The following NSD3 variants were observed in gnomAD, a reference collection of about 807,000 sequenced individuals.
The protein encoded by NSD3 is nuclear receptor binding SET domain protein 3.
In NSD3, 24 loss-of-function variants were observed where a neutral mutation model predicts 160.8. The ratio of observed to expected loss-of-function variants is 0.15; its 90% CI spans 0.11 to 0.21. The LOEUF is 0.21. NSD3 is among the 10% of genes least tolerant of loss of function. NSD3 has a pLI of 1.00. For synonymous variants in NSD3, 520 were observed against 600.0 expected, an observed-to-expected ratio of 0.87 and a Z score of 1.95; for missense variants, 1,157 against 1,735.9, an observed-to-expected ratio of 0.67 and a Z score of 5.93.
intron 22 of NSD3, 67 bp from the exon 23 acceptor site, chr8:38,276,567 AC>A (rs1198789584): frequency 6.5e-7 from 1 of 1,540,862 alleles, no homozygotes; most frequent in Non-Finnish European, 8.9e-7. Flanking sequence ...ACACAGGAAA[AC>A]CCTGCAACCT....
chr8:38,303,127 A>G, intron 14 of NSD3: 8 of 608,824 alleles, frequency 1.3e-5, no homozygotes, highest in Non-Finnish European at 1.6e-5. Context: ...AGTGCCCAGC[A>G]ATGGTAGCAT....
Position 38,348,206 on chromosome 8 carries a change from C to T in NSD3, c.-35G>A, listed in dbSNP as rs780720930. 3 of 1,525,218 alleles carry T rather than the reference C, an allele frequency of 2.0e-6. No homozygotes were observed. The highest frequency in any genetic ancestry group is 2.6e-6 in the Non-Finnish European group (3 of 1,139,762). The allele number at this position is 1,525,218 out of a possible 1,614,324, so 94.5% of individuals were successfully genotyped here. A position where few individuals can be genotyped will look rare whatever the true frequency, so the allele number is the denominator to read the frequency against. ...CCAGCATCCTTAACTTTCCCTTTCT[C>T]TCATCGGGCCTAAAATTATAAAAGA... On this transcript the variant is annotated 5_prime_UTR_variant, in exon 2 of 24. Transcript: ENST00000317025.
chr8:38,378,730 C>T (rs1002001898), intron 1 of NSD3, among the ~76,000 whole-genome samples: 4 of 150,348 alleles, frequency 2.7e-5, no homozygotes, highest in Non-Finnish European at 4.4e-5. Flanking sequence ...GGCTAAGGCA[C>T]GAGAATCACT....
intron 19 of NSD3, among the ~76,000 whole-genome samples, chr8:38,285,951 G>A (rs995128656): frequency 2.6e-5 from 4 of 152,086 alleles, no homozygotes; most frequent in African/African-American, 9.7e-5. Context: ...CTTATCATAT[G>A]TTCTCCATAC....
At chr8:38,335,150 G>A (rs1810186091) in intron 4 of NSD3, among the ~76,000 whole-genome samples, 1 of 151,976 alleles carries the variant, frequency 6.6e-6, no homozygotes, top group Admixed American at 6.6e-5. Flanking sequence ...AAAACGCCTG[G>A]CTAATTTTTG....
chr8:38,316,103 T>G lies in NSD3; in HGVS notation c.1856-61A>C. On this transcript the variant is annotated intron_variant, in intron 9 of 23. Coordinates refer to ENST00000317025, the MANE Select transcript of NSD3 (RefSeq NM_023034.2). The surrounding 1 kb of genome is among the most constrained non-coding windows in gnomAD (Gnocchi z 4.5). Reference sequence around the variant, plus strand: ...TACTTAAGGTTTGTTTTAATTTTTTTGTGTGTGGGAGAATATTTTCTTTTC... The same window carrying G: ...TACTTAAGGTTTGTTTTAATTTTTTGGTGTGTGGGAGAATATTTTCTTTTC... The G allele has an allele frequency of 6.3e-7, 1 of 1,588,682 alleles. No individual in the cohort carries two copies. Among genetic ancestry groups the G allele is most frequent in the Non-Finnish European group, 8.6e-7 (1 of 1,168,368 alleles).
At chr8:38,296,686 G>A (rs1455680088) in intron 15 of NSD3, among the ~76,000 whole-genome samples, 3 of 149,430 alleles carry the variant, frequency 2.0e-5, no homozygotes, top group Non-Finnish European at 3.0e-5. Context: ...GTGTGTGTGT[G>A]TGTGTGTGTG....
intron 5 of NSD3, among the ~76,000 whole-genome samples, chr8:38,330,671 C>G (rs1476291359): frequency 6.6e-6 from 1 of 152,166 alleles, no homozygotes; most frequent in African/African-American, 2.4e-5. Flanking sequence ...AAATGTAAGT[C>G]TCATAAAATT....
At chr8:38,333,557 C>T (rs1450857728) in intron 4 of NSD3, among the ~76,000 whole-genome samples, 4 of 152,174 alleles carry the variant, frequency 2.6e-5, no homozygotes, top group African/African-American at 9.7e-5. Context: ...TTTTCCAGTG[C>T]TAAGAATCTA....
At chr8:38,331,195 C>A (rs1810050353) in intron 5 of NSD3, among the ~76,000 whole-genome samples, 1 of 152,070 alleles carries the variant, frequency 6.6e-6, no homozygotes, top group African/African-American at 2.4e-5. Flanking sequence ...CAATAGAATT[C>A]AATATTAAGC....
chr8:38,367,101 G>A (rs1363033558), intron 1 of NSD3, among the ~76,000 whole-genome samples: 1 of 152,190 alleles, frequency 6.6e-6, no homozygotes, highest in African/African-American at 2.4e-5. Context: ...CTATGCCAGA[G>A]TAAGACAAAC....
chr8:38,300,264 C>T (rs531460007), intron 14 of NSD3, among the ~76,000 whole-genome samples: 5 of 152,150 alleles, frequency 3.3e-5, no homozygotes, highest in African/African-American at 1.2e-4. Context: ...TGGGCTCTAG[C>T]GATCCTCTGG....
chr8:38,313,090 A>G (rs1247968906), intron 12 of NSD3, among the ~76,000 whole-genome samples: 1 of 152,242 alleles, frequency 6.6e-6, no homozygotes, highest in African/African-American at 2.4e-5. Context: ...CAAACTGTTC[A>G]CAAGTTTTAC....
chr8:38,304,586 C>A lies in NSD3; in HGVS notation c.2611+1G>T, dbSNP rs565429625. ...AATGAAGAGAAAAGTCAGACACTCA[C>A]CTCTGGCACAAACGAAACAAAAGCC... On this transcript the variant is annotated splice_donor_variant, in intron 14 of 23. Transcript: ENST00000317025. LOFTEE classifies it high-confidence loss of function. The A allele has an allele frequency of 6.2e-7, 1 of 1,609,522 alleles. No individual in the cohort carries two copies. The highest frequency in any genetic ancestry group is 8.5e-7 in the Non-Finnish European group (1 of 1,178,476).
chr8:38,297,902 T>C (rs1809193444), intron 15 of NSD3, among the ~76,000 whole-genome samples: 1 of 152,186 alleles, frequency 6.6e-6, no homozygotes, highest in Non-Finnish European at 1.5e-5. Context: ...TTATTAGTAC[T>C]GACCTAGAAA....
At chr8:38,313,570 C>T (rs964284771) in intron 12 of NSD3, among the ~76,000 whole-genome samples, 8 of 151,902 alleles carry the variant, frequency 5.3e-5, no homozygotes, top group Admixed American at 2.0e-4. Flanking sequence ...AGGCTGATCA[C>T]GAGGTCAGGA....
intron 21 of NSD3, among the ~76,000 whole-genome samples, chr8:38,279,002 A>G (rs184315421): frequency 1.3e-5 from 2 of 152,338 alleles, no homozygotes; most frequent in Non-Finnish European, 2.9e-5. Flanking sequence ...TCTACAAACT[A>G]AACAAAGGAG....
chr8:38,279,488 G>GATAT, intron 21 of NSD3, 52 bp downstream of exon 21: 1 of 1,601,956 alleles, frequency 6.2e-7, no homozygotes. Context: ...AGCTCTATAG[G>GATAT]ATATTCTTTC....
intron 1 of NSD3, among the ~76,000 whole-genome samples, chr8:38,380,371 G>T (rs1033840469): frequency 6.6e-6 from 1 of 152,128 alleles, no homozygotes; most frequent in Non-Finnish European, 1.5e-5. Context: ...CGGACACAGC[G>T]CTTTGCCAAG....
Sources: allele counts gnomAD v4.1 joint callset (sites outside exome capture counted in the v4.1 genomes callset), GRCh38; gene constraint gnomAD v4.1.1; non-coding constraint Gnocchi (gnomAD v3.1); transcripts MANE v1.5; gene names NCBI Gene and HGNC (gene_info 2026-07-23, HGNC 2026-07-21).